Variants in CRISPLD2 observed in about 807,000 individuals in gnomAD.
The protein encoded by CRISPLD2 is cysteine rich secretory protein LCCL domain containing 2.
Under a neutral mutation model 71.1 loss-of-function variants are expected in CRISPLD2, and 47 were observed. The ratio of observed to expected loss-of-function variants is 0.66; its 90% confidence interval spans 0.52 to 0.84. The LOEUF (loss-of-function observed/expected upper bound fraction) is 0.84, where lower values mean the gene tolerates loss of function less well. Among genes scored for constraint, CRISPLD2 ranks in the 40% least tolerant of loss-of-function variants. CRISPLD2 has a pLI of 0.00. For synonymous variants in CRISPLD2, 317 were observed against 250.1 expected, an observed-to-expected ratio of 1.27 and a Z score of -2.52; for missense variants, 830 against 651.1, an observed-to-expected ratio of 1.27 and a Z score of -2.99.
intron 5 of CRISPLD2, among the ~76,000 whole-genome samples, chr16:84,853,385 G>T: frequency 6.6e-6 from 1 of 152,332 alleles, no homozygotes; most frequent in South Asian, 2.1e-4. Flanking sequence ...TTCTGAGCAG[G>T]GATGTCTTGT....
intron 1 of CRISPLD2, among the ~76,000 whole-genome samples, chr16:84,820,408 G>C (rs776142119): frequency 1.3e-4 from 20 of 152,216 alleles, no homozygotes; most frequent in Non-Finnish European, 2.6e-4. Flanking sequence ...CTGCTCCTTA[G>C]AGGCTGTTTA....
At chr16:84,869,646 G>A (rs2143279735) in intron 8 of CRISPLD2, among the ~76,000 whole-genome samples, 1 of 152,300 alleles carries the variant, frequency 6.6e-6, no homozygotes, top group African/African-American at 2.4e-5. Context: ...GTCAGCAGTG[G>A]AATAACAGTG....
At chr16:84,861,461 C>T (rs780036617) in intron 6 of CRISPLD2, among the ~76,000 whole-genome samples, 1 of 152,090 alleles carries the variant, frequency 6.6e-6, no homozygotes, top group African/African-American at 2.4e-5. Context: ...GTCTGATGTT[C>T]GAGGGCAGGA....
intron 1 of CRISPLD2, among the ~76,000 whole-genome samples, chr16:84,821,128 C>T (rs1916220798): frequency 6.6e-6 from 1 of 152,318 alleles, no homozygotes; most frequent in African/African-American, 2.4e-5. Context: ...TGTGAGTTTC[C>T]CCTTTGGGCC....
chr16:84,881,088 T>C (rs1030478911), intron 13 of CRISPLD2, among the ~76,000 whole-genome samples: 2 of 152,210 alleles, frequency 1.3e-5, no homozygotes, highest in Non-Finnish European at 2.9e-5. Flanking sequence ...TGCTTCTACC[T>C]ACCTGTCCTC....
chr16:84,841,562 G>GT (rs765692151), intron 2 of CRISPLD2, among the ~76,000 whole-genome samples: 35 of 151,848 alleles, frequency 2.3e-4, no homozygotes, highest in Middle Eastern at 6.8e-3. Context: ...AAGAAACAGG[G>GT]TTTTTTTGCG....
In CRISPLD2 at chr16:84,866,782, C is replaced by G. The variant is rs1917549593; in HGVS notation, c.710-115C>G. The G allele has an allele frequency of 7.0e-6, 7 of 1,004,018 alleles. No homozygotes were observed. In the African/African-American group the frequency reaches 9.8e-5, roughly 14 times the overall value. The allele number at this position is 1,004,018 out of a possible 1,614,324, so 62.2% of individuals were successfully genotyped here. A position where few individuals can be genotyped will look rare whatever the true frequency, so the allele number is the denominator to read the frequency against. ...CTTTCTCTTTGCCGCTGAAATGATT[C>G]TTTGTAAAACCAAACCTCAAACACG... On this transcript the variant is annotated intron_variant, in intron 6 of 14. Transcript: ENST00000262424.
At position 84,848,257 on chromosome 16, in the gene CRISPLD2, C is replaced by G. The variant is rs531441251; in HGVS notation, c.360-1128C>G. ...TCCTCACTGTGTGCACGCCTTTCTGCAAATGCCGCTGCCCGCTGCCGTGCG... is the reference window on the plus strand; with the variant it reads ...TCCTCACTGTGTGCACGCCTTTCTGGAAATGCCGCTGCCCGCTGCCGTGCG... On this transcript the variant is annotated intron_variant, in intron 3 of 14. Coordinates refer to ENST00000262424, the MANE Select transcript of CRISPLD2 (RefSeq NM_031476.4). Among the ~76,000 whole-genome samples the G allele has an allele frequency of 6.3e-3, 954 of 152,306 alleles. 21 individuals carry two copies. The highest frequency in any genetic ancestry group is 3.4e-3 in the Non-Finnish European group (229 of 68,026).
chr16:84,894,055 C>T (rs1016089039), intron 14 of CRISPLD2, among the ~76,000 whole-genome samples: 32 of 152,312 alleles, frequency 2.1e-4, no homozygotes, highest in African/African-American at 6.5e-4. Flanking sequence ...CACACGGGGC[C>T]GAAGGTCAGT....
intron 2 of CRISPLD2, 69 bp downstream of exon 2, chr16:84,838,804 C>A (rs1028930868): frequency 6.5e-7 from 1 of 1,543,570 alleles, no homozygotes; most frequent in Non-Finnish European, 8.7e-7. Flanking sequence ...CTGCTCTGTT[C>A]CCCAGCCAGC....
rs956570561 is a variant in CRISPLD2 at position 84,904,567 on chromosome 16, G to C, written c.1440-2021G>C. ...CCACTGTACTCCAGCCTGGGCAACA[G>C]AGCGAGACTCGGTCTCAAAAAAAGG... On this transcript the variant is annotated intron_variant, in intron 14 of 14. Coordinates refer to ENST00000262424, the MANE Select transcript of CRISPLD2 (RefSeq NM_031476.4). 1.0e-4 allele frequency among the ~76,000 whole-genome samples: 15 copies of C among 149,580 alleles called. No individual in the cohort carries two copies. The Admixed American group carries it at 1.0e-3, about 10-fold the overall frequency.
Position 84,850,666 on chromosome 16 carries a change from C to T in CRISPLD2, c.591C>T (p.Val197=), listed in dbSNP as rs1917063395. ...GEVWENAVYF[V]CNYSPKGNWI... Reference sequence around the variant, plus strand: ...TTTGGGAGAACGCGGTCTACTTTGTCTGCAATTATTCTCCAAAGTAAGACA... The same window carrying T: ...TTTGGGAGAACGCGGTCTACTTTGTTTGCAATTATTCTCCAAAGTAAGACA... Residue 197 remains valine, a synonymous_variant, in exon 5 of 15, where the codon GTC becomes GTT. Coordinates refer to ENST00000262424, the MANE Select transcript of CRISPLD2 (RefSeq NM_031476.4). 1 of 1,613,738 alleles carries T rather than the reference C, an allele frequency of 6.2e-7. No individual in the cohort carries two copies. Among genetic ancestry groups the T allele is most frequent in the Non-Finnish European group, 8.5e-7 (1 of 1,179,752 alleles).
intron 14 of CRISPLD2, among the ~76,000 whole-genome samples, chr16:84,890,796 A>T (rs560572968): frequency 6.6e-6 from 1 of 151,480 alleles, no homozygotes; most frequent in East Asian, 1.9e-4. Context: ...ACTCTGTCTC[A>T]AAAAAAAGAA....
intron 4 of CRISPLD2, 93 bp downstream of exon 4, chr16:84,849,610 C>T (rs915956405): frequency 5.8e-6 from 8 of 1,374,884 alleles, no homozygotes; most frequent in Non-Finnish European, 8.1e-6. Context: ...TGTAAAGCCT[C>T]TGCGCTGTTG....
At chr16:84,855,804 C>T (rs2143234689) in intron 6 of CRISPLD2, among the ~76,000 whole-genome samples, 2 of 152,288 alleles carry the variant, frequency 1.3e-5, no homozygotes, top group South Asian at 4.1e-4. Flanking sequence ...TACAACCATC[C>T]TTCGTAAAAC....
intron 14 of CRISPLD2, among the ~76,000 whole-genome samples, chr16:84,902,445 T>A (rs1419592410): frequency 6.6e-6 from 1 of 151,054 alleles, no homozygotes; most frequent in Non-Finnish European, 1.5e-5. Flanking sequence ...CCGTCTCTAC[T>A]AAAAATAGAA....
intron 1 of CRISPLD2, among the ~76,000 whole-genome samples, chr16:84,825,803 A>G (rs1430900773): frequency 6.6e-6 from 1 of 151,938 alleles, no homozygotes; most frequent in Non-Finnish European, 1.5e-5. Flanking sequence ...ACATAAAATA[A>G]AAGAAGAAAA....
chr16:84,850,264 T>C (rs28649763), intron 4 of CRISPLD2, among the ~76,000 whole-genome samples: 1 of 152,012 alleles, frequency 6.6e-6, no homozygotes, highest in African/African-American at 2.4e-5. Context: ...CTAATTTTTG[T>C]TTTTTTAGTA....
At chr16:84,889,406 C>G in intron 14 of CRISPLD2, 43 bp downstream of exon 14, 1 of 1,574,324 alleles carries the variant, frequency 6.4e-7, no homozygotes, top group Non-Finnish European at 8.6e-7. Flanking sequence ...ATCCCGGCTG[C>G]TAATGGTCCC....
Sources: allele counts gnomAD v4.1 joint callset (sites outside exome capture counted in the v4.1 genomes callset), GRCh38; gene constraint gnomAD v4.1.1; transcripts MANE v1.5; gene names NCBI Gene and HGNC (gene_info 2026-07-23, HGNC 2026-07-21).